The following CLSTN2 variants were observed in gnomAD, a reference collection of about 807,000 sequenced individuals.
The protein encoded by CLSTN2 is calsyntenin 2, also known as calsyntenin-2.
A neutral mutation model predicts 101.2 loss-of-function variants in CLSTN2; 48 were observed. That is an observed-to-expected ratio of 0.47 (90% CI 0.38 to 0.60). The LOEUF is 0.60. CLSTN2 is among the 20% of genes least tolerant of loss of function. The pLI is 0.00. For synonymous variants in CLSTN2, 481 were observed against 463.6 expected (o/e 1.04, Z -0.48); for missense variants, 1,160 against 1,238.2 (o/e 0.94, Z 0.95).
chr3:140,134,408 A>T (rs2882369), intron 1 of CLSTN2, among the ~76,000 whole-genome samples: 2 of 151,874 alleles, frequency 1.3e-5, no homozygotes, highest in Admixed American at 6.6e-5. Context: ...TCCTCTCTAC[A>T]CATTAGGACT....
In CLSTN2 at chr3:140,080,382, C is replaced by T. The variant is rs542746985; in HGVS notation, c.110-95569C>T. Among the ~76,000 whole-genome samples the T allele has an allele frequency of 4.6e-5, 7 of 152,290 alleles. No individual in the cohort carries two copies. The South Asian group carries it at 8.3e-4, about 18-fold the overall frequency. On this transcript the variant is annotated intron_variant, in intron 1 of 16. Coordinates refer to ENST00000458420, the MANE Select transcript of CLSTN2 (RefSeq NM_022131.3). ...CAGGACTTCAAAAGAAGTGACTGGA[C>T]GTAGTAGGTGCCTGGGAAAGGTTTT...
At chr3:140,373,844 A>G (rs2087886145) in intron 2 of CLSTN2, among the ~76,000 whole-genome samples, 1 of 152,208 alleles carries the variant, frequency 6.6e-6, no homozygotes, top group Non-Finnish European at 1.5e-5. Flanking sequence ...GGAGTTCTCC[A>G]CCAGCACTGG....
chr3:140,148,124 C>T (rs1182874640), intron 1 of CLSTN2, among the ~76,000 whole-genome samples: 3 of 152,186 alleles, frequency 2.0e-5, no homozygotes, highest in Non-Finnish European at 4.4e-5. Flanking sequence ...CAATTGCTCC[C>T]CACCACCTGC....
At chr3:140,205,918 G>A in intron 2 of CLSTN2, among the ~76,000 whole-genome samples, 1 of 152,104 alleles carries the variant, frequency 6.6e-6, no homozygotes, top group Middle Eastern at 3.2e-3. Context: ...GCACTCACAG[G>A]TGCATGCACT....
At chr3:139,982,494 G>A (rs1576385636) in intron 1 of CLSTN2, among the ~76,000 whole-genome samples, 1 of 152,230 alleles carries the variant, frequency 6.6e-6, no homozygotes, top group Admixed American at 6.5e-5. Context: ...ATGCTAGAAA[G>A]TTTTCAAACA....
At chr3:140,080,443 G>T (rs1248245682) in intron 1 of CLSTN2, among the ~76,000 whole-genome samples, 1 of 152,286 alleles carries the variant, frequency 6.6e-6, no homozygotes, top group Non-Finnish European at 1.5e-5. Context: ...TAGGTGTCCA[G>T]CTCCTAGACC....
rs148386869 is a variant in CLSTN2 at position 140,057,088 on chromosome 3, G to A, written c.110-118863G>A. 2.5e-3 allele frequency among the ~76,000 whole-genome samples: 385 copies of A among 152,324 alleles called. 2 individuals are homozygous for A. The highest frequency in any genetic ancestry group is 8.9e-3 in the African/African-American group (372 of 41,568). ...ATACTGGCTGCTCTTCTCCATAGTA[G>A]GCATTTTTCCATGAAGCAAGTGTCA... On this transcript the variant is annotated intron_variant, in intron 1 of 16. Transcript: ENST00000458420.
At chr3:140,339,156 C>T (rs935688311) in intron 2 of CLSTN2, among the ~76,000 whole-genome samples, 4 of 152,160 alleles carry the variant, frequency 2.6e-5, no homozygotes, top group East Asian at 1.9e-4. Context: ...GTTCTCAGAA[C>T]GTTGGTACCT....
intron 2 of CLSTN2, among the ~76,000 whole-genome samples, chr3:140,201,274 T>C (rs562021062): frequency 6.6e-6 from 1 of 152,126 alleles, no homozygotes; most frequent in Non-Finnish European, 1.5e-5. Context: ...GGGAGATGAC[T>C]AGGTCTCAGG....
intron 2 of CLSTN2, among the ~76,000 whole-genome samples, chr3:140,257,916 A>G (rs369531043): frequency 6.6e-6 from 1 of 152,196 alleles, no homozygotes; most frequent in African/African-American, 2.4e-5. Flanking sequence ...AAACATAGTT[A>G]AGGCTCTTCA....
intron 8 of CLSTN2, among the ~76,000 whole-genome samples, chr3:140,485,204 A>G (rs1164191930): frequency 6.6e-6 from 1 of 152,078 alleles, no homozygotes; most frequent in African/African-American, 2.4e-5. Flanking sequence ...GGTCTGTTGG[A>G]GTTTGCTAGA....
chr3:140,460,637 A>G (rs1286780976), intron 7 of CLSTN2, among the ~76,000 whole-genome samples: 6 of 152,214 alleles, frequency 3.9e-5, no homozygotes, highest in Non-Finnish European at 8.8e-5. Flanking sequence ...CAGTATCAGA[A>G]CTAGAATGTC....
At chr3:140,524,259 A>G (rs1046278805) in intron 8 of CLSTN2, among the ~76,000 whole-genome samples, 1 of 152,184 alleles carries the variant, frequency 6.6e-6, no homozygotes, top group Non-Finnish European at 1.5e-5. Context: ...AGAACATCCA[A>G]GTGGGGCAAT....
At chr3:140,224,765 C>A (rs910274947) in intron 2 of CLSTN2, among the ~76,000 whole-genome samples, 1 of 152,228 alleles carries the variant, frequency 6.6e-6, no homozygotes, top group Middle Eastern at 3.4e-3. Flanking sequence ...TTGATTAATC[C>A]ACCATTCCCC....
chr3:140,004,778 G>A (rs549316500), intron 1 of CLSTN2, among the ~76,000 whole-genome samples: 9 of 151,816 alleles, frequency 5.9e-5, no homozygotes, highest in Admixed American at 2.6e-4. Context: ...GTTATCTTTG[G>A]CCAGTTCACA....
chr3:140,221,476 T>C (rs2086272791), intron 2 of CLSTN2, among the ~76,000 whole-genome samples: 1 of 152,000 alleles, frequency 6.6e-6, no homozygotes, highest in Admixed American at 6.6e-5. Context: ...TAATGAAATG[T>C]AGACCAGGAA....
chr3:140,198,347 T>G (rs2010671882), intron 2 of CLSTN2, among the ~76,000 whole-genome samples: 2 of 152,160 alleles, frequency 1.3e-5, no homozygotes, highest in African/African-American at 4.8e-5. Context: ...TAATACCCAT[T>G]TGTTATCTCA....
chr3:140,324,426 A>G (rs2087313065), intron 2 of CLSTN2, among the ~76,000 whole-genome samples: 1 of 152,242 alleles, frequency 6.6e-6, no homozygotes, highest in Non-Finnish European at 1.5e-5. Context: ...AAGGATGCAT[A>G]TACACCACAT....
At chr3:140,510,375 T>C (rs1053538962) in intron 8 of CLSTN2, among the ~76,000 whole-genome samples, 2 of 152,216 alleles carry the variant, frequency 1.3e-5, no homozygotes, top group Non-Finnish European at 2.9e-5. Context: ...TGATTATGTA[T>C]GCAAAAGTCG....
Sources: allele counts gnomAD v4.1 joint callset (sites outside exome capture counted in the v4.1 genomes callset), GRCh38; gene constraint gnomAD v4.1.1; transcripts MANE v1.5; gene names NCBI Gene and HGNC (gene_info 2026-07-23, HGNC 2026-07-21).